OXR1: variants seen among roughly 807,000 people sequenced by gnomAD.
The protein encoded by OXR1 is oxidation resistance protein 1.
OXR1 carries 41 observed loss-of-function variants against 104.6 expected under a neutral mutation model. The observed-to-expected ratio is 0.39, with a 90% CI of 0.31 to 0.51. The LOEUF is 0.51. Among genes scored for constraint, OXR1 ranks in the 20% least tolerant of loss-of-function variants. The probability of loss-of-function intolerance (pLI) is 0.77; values close to 1 mark genes in which losing one functional copy is unlikely to be tolerated. For synonymous variants in OXR1, 348 were observed against 348.4 expected, an observed-to-expected ratio of 1.00 and a Z score of 0.01; for missense variants, 955 against 1,031.9, an observed-to-expected ratio of 0.93 and a Z score of 1.02.
At position 106,706,997 on chromosome 8, in the gene OXR1, T is replaced by G; in HGVS notation, c.1476T>G (p.Asn492Lys). The G allele has an allele frequency of 5.0e-6, 8 of 1,613,544 alleles. No individual in the cohort carries two copies. The highest frequency in any genetic ancestry group is 6.8e-6 in the Non-Finnish European group (8 of 1,179,874). Residue 492 changes from asparagine (N) to lysine (K), a missense_variant, in exon 9 of 17, where the codon AAT (asparagine) becomes AAG (lysine). Physicochemically the swap from Asn to Lys is moderately conservative, Grantham distance 94. Coordinates refer to ENST00000517566, the MANE Select transcript of OXR1 (RefSeq NM_001198533.2). ...AAGGAAAACAAGGAAAGGAGCAAAA[T>G]CAGGACTCACAGACAGAGGCAGAAG... ...VNKGKQGKEQ[N>K]QDSQTEAEEL...
chr8:106,671,620 G>A lies in OXR1; in HGVS notation c.221-7590G>A, dbSNP rs186762888. On this transcript the variant is annotated intron_variant, in intron 3 of 16. Transcript: ENST00000517566. ...TAAGAAAATGTGGCACATATACACC[G>A]TGGAATATTATGCAGCCATAAAAAA... is the stretch of plus-strand genomic sequence containing the variant. Among the ~76,000 whole-genome samples, 17 of 152,054 alleles carry A rather than the reference G, an allele frequency of 1.1e-4. 1 individual carries two copies. The highest frequency in any genetic ancestry group is 2.0e-4 in the Admixed American group (3 of 15,272).
chr8:106,293,863 C>T (rs576860225), intron 1 of OXR1, among the ~76,000 whole-genome samples: 3 of 152,084 alleles, frequency 2.0e-5, no homozygotes, highest in Non-Finnish European at 4.4e-5. Context: ...CACCCTGTCT[C>T]CCAACACTTT....
At chr8:106,393,181 A>G (rs940488965) in intron 2 of OXR1, among the ~76,000 whole-genome samples, 2 of 152,184 alleles carry the variant, frequency 1.3e-5, no homozygotes, top group South Asian at 4.1e-4. Flanking sequence ...TCACAAATGT[A>G]TGACAAAGAG....
At chr8:106,490,105 T>TAA (rs779026021) in intron 2 of OXR1, among the ~76,000 whole-genome samples, 1 of 152,144 alleles carries the variant, frequency 6.6e-6, no homozygotes, top group Non-Finnish European at 1.5e-5. Flanking sequence ...CACAGATTTT[T>TAA]AAAAAGGAAT....
chr8:106,345,262 G>A (rs1326434952), intron 1 of OXR1, among the ~76,000 whole-genome samples: 4 of 152,160 alleles, frequency 2.6e-5, no homozygotes, highest in Non-Finnish European at 5.9e-5. Flanking sequence ...AATAACATAA[G>A]AGATATGCAG....
At chr8:106,279,598 A>T (rs1292761206) in intron 1 of OXR1, among the ~76,000 whole-genome samples, 2 of 152,248 alleles carry the variant, frequency 1.3e-5, no homozygotes, top group Admixed American at 6.5e-5. Context: ...TTGCAAAAAC[A>T]GTAATAGATA....
In OXR1 at chr8:106,673,064, G is replaced by A. The variant is rs575952743; in HGVS notation, c.221-6146G>A. 3.3e-5 allele frequency among the ~76,000 whole-genome samples: 5 copies of A among 151,526 alleles called. No individual in the cohort carries two copies. The South Asian group carries it at 6.2e-4, about 19-fold the overall frequency. On this transcript the variant is annotated intron_variant, in intron 3 of 16. Coordinates refer to ENST00000517566, the MANE Select transcript of OXR1 (RefSeq NM_001198533.2). Reference sequence around the variant, plus strand: ...TAAAGATACCCAAAAATGTGGAAGCGACTTTGGAACTGGGTAACAGGCAGA... The same window carrying A: ...TAAAGATACCCAAAAATGTGGAAGCAACTTTGGAACTGGGTAACAGGCAGA...
intron 1 of OXR1, among the ~76,000 whole-genome samples, chr8:106,352,000 C>G (rs1815747017): frequency 6.6e-6 from 1 of 152,090 alleles, no homozygotes. Flanking sequence ...CCATAGTAGT[C>G]CCTGCCTCTC....
At chr8:106,320,918 T>C (rs1338228169) in intron 1 of OXR1, among the ~76,000 whole-genome samples, 1 of 152,184 alleles carries the variant, frequency 6.6e-6, no homozygotes, top group Non-Finnish European at 1.5e-5. Context: ...GTGATCCACC[T>C]GCCTCGGCCT....
At chr8:106,644,966 C>T (rs190945287) in intron 3 of OXR1, among the ~76,000 whole-genome samples, 65 of 152,268 alleles carry the variant, frequency 4.3e-4, no homozygotes, top group Non-Finnish European at 7.8e-4. Flanking sequence ...GCAGCTGCTG[C>T]TGTGAACAAG....
chr8:106,530,159 G>A (rs1050649555), intron 3 of OXR1, among the ~76,000 whole-genome samples: 1 of 152,124 alleles, frequency 6.6e-6, no homozygotes. Flanking sequence ...ATTTCCCAAT[G>A]TTTTCATTTT....
rs1460647536 is a variant in OXR1 at position 106,634,285 on chromosome 8, A to G, written c.221-44925A>G. Among the ~76,000 whole-genome samples the G allele has an allele frequency of 2.0e-5, 3 of 152,204 alleles. No homozygotes were observed. In the East Asian group the frequency reaches 5.8e-4, roughly 29 times the overall value. The stretch of plus-strand genomic sequence containing the variant: ...GCCTAGTTCTGTGGCATGCAAAGCT[A>G]TAGCTGATTTATAGGAGAGCCTCAA... On this transcript the variant is annotated intron_variant, in intron 3 of 16. Transcript: ENST00000517566.
intron 3 of OXR1, among the ~76,000 whole-genome samples, chr8:106,543,957 G>T (rs1289362429): frequency 1.3e-5 from 2 of 152,174 alleles, no homozygotes. Flanking sequence ...ACTATTAGGA[G>T]AATTTGGAAA....
At chr8:106,555,291 A>G (rs891021191) in intron 3 of OXR1, among the ~76,000 whole-genome samples, 1 of 152,190 alleles carries the variant, frequency 6.6e-6, no homozygotes, top group Non-Finnish European at 1.5e-5. Context: ...TGTGCATGAT[A>G]ATAAGTATAT....
intron 3 of OXR1, among the ~76,000 whole-genome samples, chr8:106,660,496 C>T (rs1473085638): frequency 1.3e-5 from 2 of 152,200 alleles, no homozygotes; most frequent in Non-Finnish European, 2.9e-5. Flanking sequence ...GATACTTTCA[C>T]ACATGTAAAT....
intron 3 of OXR1, among the ~76,000 whole-genome samples, chr8:106,553,888 T>C (rs1014069463): frequency 6.6e-6 from 1 of 152,212 alleles, no homozygotes; most frequent in Non-Finnish European, 1.5e-5. Context: ...GCCAAGTGAA[T>C]ATCCCATTTA....
chr8:106,614,520 C>T (rs1821050121), intron 3 of OXR1, among the ~76,000 whole-genome samples: 1 of 152,184 alleles, frequency 6.6e-6, no homozygotes, highest in South Asian at 2.1e-4. Context: ...CAGCCCACAT[C>T]CCAAAAGTGG....
intron 3 of OXR1, among the ~76,000 whole-genome samples, chr8:106,590,158 A>C (rs1818964042): frequency 6.6e-6 from 1 of 152,256 alleles, no homozygotes. Context: ...TCAAAGAGTT[A>C]CGATTTCTTC....
intron 2 of OXR1, among the ~76,000 whole-genome samples, chr8:106,382,176 A>G (rs1817175577): frequency 1.3e-5 from 2 of 152,210 alleles, no homozygotes; most frequent in Non-Finnish European, 2.9e-5. Context: ...GTCAAGTCAC[A>G]TTCTTTCTGA....
Sources: gnomAD v4.1 joint callset for allele counts (sites outside exome capture counted in the v4.1 genomes callset) on GRCh38, gnomAD v4.1.1 for gene constraint, MANE v1.5 for transcripts, NCBI Gene and HGNC (gene_info 2026-07-23, HGNC 2026-07-21) for gene names.